The following NCOA2 variants were observed in gnomAD, a reference collection of about 807,000 sequenced individuals.
The protein encoded by NCOA2 is class E basic helix-loop-helix protein 75.
In NCOA2, 21 loss-of-function variants were observed where a neutral mutation model predicts 145.1. The ratio of observed to expected loss-of-function variants is 0.14; its 90% CI spans 0.10 to 0.21. The LOEUF (loss-of-function observed/expected upper bound fraction) is 0.21, where lower values mean the gene tolerates loss of function less well. Among genes scored for constraint, NCOA2 ranks in the 10% least tolerant of loss-of-function variants. The pLI, the probability that NCOA2 is intolerant of heterozygous loss-of-function variation, is 1.00. For synonymous variants in NCOA2, 619 were observed against 637.5 expected (o/e 0.97, Z 0.44); for missense variants, 1,472 against 1,837.6 (o/e 0.80, Z 3.64).
At chr8:70,334,730 A>C (rs79822792) in intron 1 of NCOA2, among the ~76,000 whole-genome samples, 6,901 of 152,264 alleles carry the variant, frequency 0.045, 262 homozygotes, top group East Asian at 0.16. Flanking sequence ...TGAGAAATGA[A>C]ATATAAACAA....
chr8:70,440,041 A>G, the NCOA2 span, among the ~76,000 whole-genome samples: 1 of 152,204 alleles, frequency 6.6e-6, no homozygotes, highest in Admixed American at 6.5e-5. Context: ...TCTCCAAACC[A>G]GCAGCATCAT....
At chr8:70,433,149 TTA>T in the NCOA2 span, among the ~76,000 whole-genome samples, 1 of 152,224 alleles carries the variant, frequency 6.6e-6, no homozygotes, top group African/African-American at 2.4e-5. Flanking sequence ...TCCCATCAAA[TTA>T]TATGAATAAG....
chr8:70,128,422 T>A lies in NCOA2; in HGVS notation c.3681+11A>T. On this transcript the variant is annotated intron_variant, in intron 18 of 22. Coordinates refer to ENST00000452400, the MANE Select transcript of NCOA2 (RefSeq NM_006540.4). ...ATACAATGAAAGCTAATGGCTGGTA[T>A]GTTGCCTTACCTGTGTTGGTACTCC... 6.2e-7 allele frequency: 1 copy of A among 1,607,412 alleles called. No individual in the cohort carries two copies. Among genetic ancestry groups the A allele is most frequent in the Non-Finnish European group, 8.5e-7 (1 of 1,176,320 alleles).
intron 4 of NCOA2, among the ~76,000 whole-genome samples, chr8:70,213,112 A>AAC (rs1198008650): frequency 2.7e-5 from 4 of 150,136 alleles, no homozygotes; most frequent in African/African-American, 9.8e-5. Flanking sequence ...AAAAAAAAAA[A>AAC]CCACACCAGA....
chr8:70,225,628 G>A (rs1395828045), intron 2 of NCOA2, among the ~76,000 whole-genome samples: 1 of 151,960 alleles, frequency 6.6e-6, no homozygotes, highest in Non-Finnish European at 1.5e-5. Flanking sequence ...GATTAAGAGA[G>A]TATAATGTAG....
At position 70,148,528 on chromosome 8, in the gene NCOA2, T is replaced by A. The variant is rs773560162; in HGVS notation, c.2395-45A>T. ...GAGTTTATCCAGTCTACTCTAAGAG[T>A]AGACACCACAAGCCCATTTGCAATC... On this transcript the variant is annotated intron_variant, in intron 11 of 22. Coordinates refer to ENST00000452400, the MANE Select transcript of NCOA2 (RefSeq NM_006540.4). 1.9e-6 allele frequency: 3 copies of A among 1,573,896 alleles called. No individual in the cohort carries two copies. The East Asian group carries it at 6.8e-5, about 35-fold the overall frequency.
chr8:70,448,673 T>C, the NCOA2 span, among the ~76,000 whole-genome samples: 2 of 152,174 alleles, frequency 1.3e-5, no homozygotes, highest in Non-Finnish European at 2.9e-5. Context: ...TCGCATGATG[T>C]AGAAAAAAAT....
chr8:70,156,720 CTAA>C lies in NCOA2; in HGVS notation c.1642_1644del (p.Leu548del), dbSNP rs1265959555. 2 of 1,613,974 alleles carry C rather than the reference CTAA, an allele frequency of 1.2e-6. No individual in the cohort carries two copies. The highest frequency in any genetic ancestry group is 1.7e-6 in the Non-Finnish European group (2 of 1,179,862). On this transcript the variant is annotated inframe_deletion, in exon 11 of 23. Coordinates refer to ENST00000452400, the MANE Select transcript of NCOA2 (RefSeq NM_006540.4). ...AGGTCTGGTGAAGCCAACGATGACC[CTAA>C]TGAGACCCCGTGCCCCTCGCTGAGG...
intron 4 of NCOA2, among the ~76,000 whole-genome samples, chr8:70,211,818 A>T (rs1819059694): frequency 6.6e-6 from 1 of 152,194 alleles, no homozygotes; most frequent in African/African-American, 2.4e-5. Flanking sequence ...TTGGTATTTA[A>T]GTTTTGCTTC....
chr8:70,354,477 C>T (rs890848062), intron 1 of NCOA2, among the ~76,000 whole-genome samples: 1 of 152,178 alleles, frequency 6.6e-6, no homozygotes, highest in Non-Finnish European at 1.5e-5. Flanking sequence ...CAGTAGCAAA[C>T]ATTCTCTAGA....
the NCOA2 span, among the ~76,000 whole-genome samples, chr8:70,411,803 A>G: frequency 5.3e-5 from 8 of 152,256 alleles, no homozygotes; most frequent in Admixed American, 5.2e-4. Flanking sequence ...GATAGATACC[A>G]GGATAGTTGT....
rs186760072 is a variant in NCOA2, at chr8:70,323,616, G to C, written c.-76-26816C>G. Among the ~76,000 whole-genome samples the C allele has an allele frequency of 9.9e-3, 1,510 of 151,852 alleles. 13 individuals carry two copies. The highest frequency in any genetic ancestry group is 0.014 in the Non-Finnish European group (984 of 67,954). ...TTAAGTCCTTTGCTAATTATTGAAG[G>C]GGGGGAGATTATTGCCTGGGGATAC... On this transcript the variant is annotated intron_variant, in intron 1 of 22. Transcript: ENST00000452400.
chr8:70,157,621 T>A (rs1041312353), intron 10 of NCOA2, among the ~76,000 whole-genome samples: 4 of 152,206 alleles, frequency 2.6e-5, no homozygotes, highest in African/African-American at 7.2e-5. Context: ...TGTCTTCAGT[T>A]TTTTTTCCAG....
In NCOA2 at chr8:70,219,971, G is replaced by C. The variant is rs115912378; in HGVS notation, c.-19-3207C>G. Among the ~76,000 whole-genome samples the C allele has an allele frequency of 9.4e-3, 1,431 of 152,050 alleles. 23 individuals are homozygous for C. Among genetic ancestry groups the C allele is most frequent in the African/African-American group, 0.032 (1,333 of 41,440 alleles). On this transcript the variant is annotated intron_variant, in intron 2 of 22. Coordinates refer to ENST00000452400, the MANE Select transcript of NCOA2 (RefSeq NM_006540.4). ...ATAAAAACCAGAGAGAGATAGATAA[G>C]TTATAAAAACGACTTTCTTCTAAGT...
At chr8:70,186,292 A>G (rs1816062378) in intron 4 of NCOA2, among the ~76,000 whole-genome samples, 2 of 152,200 alleles carry the variant, frequency 1.3e-5, no homozygotes, top group Non-Finnish European at 1.5e-5. Flanking sequence ...TATCATATAG[A>G]AACAGATTCT....
chr8:70,441,136 GAAAGA>G, the NCOA2 span, among the ~76,000 whole-genome samples: 4 of 142,578 alleles, frequency 2.8e-5, no homozygotes, highest in Non-Finnish European at 6.1e-5. Context: ...AAGAAAGAAA[GAAAGA>G]AAAAAGAAAG....
In NCOA2 at chr8:70,379,428, A is replaced by C. The variant is rs377192379; in HGVS notation, c.-77+24272T>G. ...GATTTAATATCATGTGGTTTCATAC[A>C]ATCTTTTCAGTTCCCTAGCAGACTT... On this transcript the variant is annotated intron_variant, in intron 1 of 22. Coordinates refer to ENST00000452400, the MANE Select transcript of NCOA2 (RefSeq NM_006540.4). Among the ~76,000 whole-genome samples, 16 of 152,330 alleles carry C rather than the reference A, an allele frequency of 1.1e-4. 1 individual carries two copies. In the South Asian group the frequency reaches 3.1e-3, roughly 30 times the overall value.
chr8:70,274,207 A>G (rs1023691939), intron 2 of NCOA2, among the ~76,000 whole-genome samples: 7 of 132,102 alleles, frequency 5.3e-5, no homozygotes, highest in African/African-American at 2.7e-4. Context: ...CATGTTTGGA[A>G]AAAAAAAAAA....
intron 1 of NCOA2, among the ~76,000 whole-genome samples, chr8:70,322,701 C>G (rs1413042511): frequency 6.6e-6 from 1 of 152,108 alleles, no homozygotes; most frequent in Admixed American, 6.6e-5. Context: ...AATAATAATA[C>G]AAACCTTGTT....
Sources: gnomAD v4.1 joint callset for allele counts (sites outside exome capture counted in the v4.1 genomes callset) on GRCh38, gnomAD v4.1.1 for gene constraint, MANE v1.5 for transcripts, NCBI Gene and HGNC (gene_info 2026-07-23, HGNC 2026-07-21) for gene names.